Variants in SEL1L observed in about 807,000 individuals in gnomAD.
The protein encoded by SEL1L is protein sel-1 homolog 1.
In SEL1L, 52 loss-of-function variants were observed where a neutral mutation model predicts 109.8. The observed-to-expected ratio is 0.47, with a 90% CI of 0.38 to 0.60. SEL1L has a LOEUF of 0.60. SEL1L is among the 20% of genes least tolerant of loss of function. The pLI is 0.00. For missense variants in SEL1L, 749 were observed against 962.2 expected (o/e 0.78, Z 2.93); for synonymous variants, 373 against 339.6 (o/e 1.10, Z -1.08).
At chr14:81,498,139 G>T in intron 9 of SEL1L, 93 bp from the exon 10 acceptor site, 1 of 1,286,104 alleles carries the variant, frequency 7.8e-7, no homozygotes, top group Non-Finnish European at 1.1e-6. Flanking sequence ...AAACGTTGAC[G>T]AACACATTGT....
At chr14:81,507,360 TG>T in intron 3 of SEL1L, among the ~76,000 whole-genome samples, 1 of 152,054 alleles carries the variant, frequency 6.6e-6, no homozygotes. Flanking sequence ...GGGAATGGAA[TG>T]GAAGATGTGG....
At chr14:81,485,768 A>G in intron 17 of SEL1L, 22 bp from the exon 18 acceptor site, 1 of 1,605,638 alleles carries the variant, frequency 6.2e-7, no homozygotes, top group Non-Finnish European at 8.5e-7. Context: ...GAAATGAAAT[A>G]CAAATCAGGC....
Position 81,488,031 on chromosome 14 carries a change from A to T in SEL1L, c.1396-89T>A, listed in dbSNP as rs574903106. ...ATTTATTTAAAAAAATGAACAAAGC[A>T]TATAAAAAAATATTCCCAAAGAGCC... On this transcript the variant is annotated intron_variant, in intron 14 of 20. Transcript: ENST00000336735. 95 of 951,946 alleles carry T rather than the reference A, an allele frequency of 1.0e-4. 1 individual carries two copies. The South Asian group carries it at 1.3e-3, about 13-fold the overall frequency. The allele number at this position is 951,946 out of a possible 1,614,324, so 59.0% of individuals were successfully genotyped here. A position where few individuals can be genotyped will look rare whatever the true frequency, so the allele number is the denominator to read the frequency against.
chr14:81,506,594 C>T (rs542133317), intron 3 of SEL1L, among the ~76,000 whole-genome samples: 2 of 152,284 alleles, frequency 1.3e-5, no homozygotes, highest in South Asian at 4.1e-4. Flanking sequence ...CACAGCTCTC[C>T]TTGTTTCTGA....
Position 81,496,601 on chromosome 14 carries a change from T to C in SEL1L, c.1128+1291A>G, listed in dbSNP as rs948112868. Among the ~76,000 whole-genome samples, 4 of 152,048 alleles carry C rather than the reference T, an allele frequency of 2.6e-5. No individual in the cohort carries two copies. In the South Asian group the frequency reaches 6.2e-4, roughly 24 times the overall value. ...TAAAAATACAAAAATTAGCTGGGTG[T>C]GGTGGTGCATGCCTGCATTCCCAGC... On this transcript the variant is annotated intron_variant, in intron 10 of 20. Transcript: ENST00000336735.
intron 10 of SEL1L, among the ~76,000 whole-genome samples, chr14:81,495,646 A>G (rs1883715610): frequency 6.6e-6 from 1 of 152,124 alleles, no homozygotes; most frequent in Admixed American, 6.5e-5. Context: ...TCAAAAAAAC[A>G]AAAAACGGGC....
chr14:81,502,908 C>G, intron 5 of SEL1L, 25 bp from the exon 6 acceptor site: 2 of 1,557,816 alleles, frequency 1.3e-6, no homozygotes, highest in Non-Finnish European at 1.7e-6. Flanking sequence ...AATTAAAAAC[C>G]AAATTAGTAA....
At position 81,477,162 on chromosome 14, in the gene SEL1L, T is replaced by C. The variant is rs762488637; in HGVS notation, c.2195A>G (p.Gln732Arg). 2 of 1,614,012 alleles carry C rather than the reference T, an allele frequency of 1.2e-6. No individual in the cohort carries two copies. The highest frequency in any genetic ancestry group is 1.7e-6 in the Non-Finnish European group (2 of 1,179,892). ...TCCCAAAAGCTGGTCCATATCAAGT[T>C]GGGTGAACATATCTCGAATCTTAAT... ...RETNIRDMFT[Q>R]LDMDQLLGPE... The change falls in exon 21 of 21, where the codon CAA becomes CGA. Residue 732 changes from glutamine (Q) to arginine (R), a missense_variant. By Grantham distance (43) the Gln-to-Arg change is conservative. Coordinates refer to ENST00000336735, the MANE Select transcript of SEL1L (RefSeq NM_005065.6).
chr14:81,486,195 T>C lies in SEL1L; in HGVS notation c.1798+94A>G, dbSNP rs111247730. On this transcript the variant is annotated intron_variant, in intron 17 of 20. Coordinates refer to ENST00000336735, the MANE Select transcript of SEL1L (RefSeq NM_005065.6). ...GTTCCAGTTACAATAATAAAGAATG[T>C]TTCCTAGTAGCTTTTCTTTTTGAAT... 10 of 1,188,940 alleles carry C rather than the reference T, an allele frequency of 8.4e-6. No individual in the cohort carries two copies. The South Asian group carries it at 1.4e-4, about 17-fold the overall frequency. 73.6% of individuals were successfully genotyped at this position (1,188,940 alleles called of 1,614,324 possible).
intron 3 of SEL1L, among the ~76,000 whole-genome samples, chr14:81,520,639 C>T (rs889238746): frequency 3.3e-5 from 5 of 152,172 alleles, no homozygotes; most frequent in African/African-American, 7.2e-5. Flanking sequence ...TACCTCTCTC[C>T]AAGCATCATC....
intron 1 of SEL1L, among the ~76,000 whole-genome samples, chr14:81,531,638 C>T (rs1359110918): frequency 1.3e-5 from 2 of 151,994 alleles, no homozygotes; most frequent in Non-Finnish European, 2.9e-5. Context: ...AGTGCAGCCT[C>T]AACCTCCTGG....
At chr14:81,503,147 C>T (rs1363296180) in intron 5 of SEL1L, among the ~76,000 whole-genome samples, 1 of 151,778 alleles carries the variant, frequency 6.6e-6, no homozygotes, top group Non-Finnish European at 1.5e-5. Flanking sequence ...CGTGCGCCAC[C>T]GTGCCTGGCT....
intron 1 of SEL1L, among the ~76,000 whole-genome samples, chr14:81,533,281 G>A (rs1885405778): frequency 6.6e-6 from 1 of 152,188 alleles, no homozygotes; most frequent in African/African-American, 2.4e-5. Flanking sequence ...GACAGCTCCA[G>A]GTTTGTCAAT....
At chr14:81,514,367 A>G (rs1032558479) in intron 3 of SEL1L, among the ~76,000 whole-genome samples, 7 of 152,202 alleles carry the variant, frequency 4.6e-5, no homozygotes, top group African/African-American at 1.4e-4. Context: ...ATGGCCCTCC[A>G]CTTCATTTTC....
chr14:81,519,995 A>C (rs1161592300), intron 3 of SEL1L, among the ~76,000 whole-genome samples: 1 of 152,152 alleles, frequency 6.6e-6, no homozygotes, highest in Non-Finnish European at 1.5e-5. Context: ...CAAACAGGGA[A>C]GTAATGGAGG....
Position 81,490,292 on chromosome 14 carries a change from T to C in SEL1L, c.1332+96A>G, listed in dbSNP as rs189294525. 1.3e-5 allele frequency: 11 copies of C among 852,698 alleles called. No homozygotes were observed. In the East Asian group the frequency reaches 3.0e-4, roughly 23 times the overall value. The allele number at this position is 852,698 out of a possible 1,614,324, so 52.8% of individuals were successfully genotyped here. A position where few individuals can be genotyped will look rare whatever the true frequency, so the allele number is the denominator to read the frequency against. On this transcript the variant is annotated intron_variant, in intron 13 of 20. Coordinates refer to ENST00000336735, the MANE Select transcript of SEL1L (RefSeq NM_005065.6). The stretch of plus-strand genomic sequence containing the variant: ...TATGCAGTTTCAATAATGTATAGCA[T>C]GAGTTGGTTATGATTAACCCTTTAA...
At chr14:81,527,438 TAC>T (rs67777470) in intron 2 of SEL1L, among the ~76,000 whole-genome samples, 7,528 of 146,622 alleles carry the variant, frequency 0.051, 311 homozygotes, top group African/African-American at 0.11. Flanking sequence ...TCTTCAAACT[TAC>T]ACACACACAC....
chr14:81,492,849 C>T (rs936310455), intron 11 of SEL1L, among the ~76,000 whole-genome samples: 4 of 152,206 alleles, frequency 2.6e-5, no homozygotes, highest in African/African-American at 9.7e-5. Flanking sequence ...GCAAAGCGAA[C>T]ATCAGCCTGC....
Position 81,530,586 on chromosome 14 carries a change from G to A in SEL1L, c.71-2848C>T, listed in dbSNP as rs947930362. Among the ~76,000 whole-genome samples, 41 of 152,160 alleles carry A rather than the reference G, an allele frequency of 2.7e-4. 1 individual carries two copies. The highest frequency in any genetic ancestry group is 1.3e-4 in the Admixed American group (2 of 15,276). ...AAGAAAAAAAAAGGTTAAGCCATTT[G>A]CCTCTTCTGCCAAAAATAAGAAAGC... On this transcript the variant is annotated intron_variant, in intron 1 of 20. Coordinates refer to ENST00000336735, the MANE Select transcript of SEL1L (RefSeq NM_005065.6).
Sources: gnomAD v4.1 joint callset for allele counts (sites outside exome capture counted in the v4.1 genomes callset) on GRCh38, gnomAD v4.1.1 for gene constraint, MANE v1.5 for transcripts, NCBI Gene and HGNC (gene_info 2026-07-23, HGNC 2026-07-21) for gene names.